The following ZNF609 variants were observed in gnomAD, a reference collection of about 807,000 sequenced individuals.
The protein encoded by ZNF609 is zinc finger protein 609.
ZNF609 carries 11 observed loss-of-function variants against 109.5 expected under a neutral mutation model. The observed-to-expected ratio is 0.10, with a 90% CI of 0.06 to 0.17. ZNF609 has a LOEUF of 0.17. Ranked by LOEUF, ZNF609 falls within the 10% of genes least tolerant of loss-of-function variation. ZNF609 has a pLI of 1.00. For missense variants in ZNF609, 1,559 were observed against 1,772.4 expected (o/e 0.88, Z 2.16); for synonymous variants, 646 against 662.0 (o/e 0.98, Z 0.37).
intron 2 of ZNF609, among the ~76,000 whole-genome samples, chr15:64,621,026 A>G (rs1895867495): frequency 6.6e-6 from 1 of 152,256 alleles, no homozygotes; most frequent in African/African-American, 2.4e-5. Context: ...GACTAGACTA[A>G]GAAGTCTATT....
At chr15:64,611,568 A>G (rs186386254) in intron 2 of ZNF609, among the ~76,000 whole-genome samples, 35 of 152,280 alleles carry the variant, frequency 2.3e-4, no homozygotes, top group Admixed American at 1.6e-3. Context: ...TCTTTAGCAG[A>G]AAAGGATTTA....
chr15:64,675,905 G>T lies in ZNF609; in HGVS notation c.3051G>T (p.Gln1017His), dbSNP rs370439641. 1.2e-6 allele frequency: 2 copies of T among 1,614,104 alleles called. No homozygotes were observed. Among genetic ancestry groups the T allele is most frequent in the African/African-American group, 2.7e-5 (2 of 74,930 alleles). The change falls in exon 5 of 10, where the codon CAG becomes CAT. Residue 1017 changes from glutamine to histidine, a missense_variant. Physicochemically the swap from Gln to His is conservative, Grantham distance 24. Transcript: ENST00000326648. Reference protein sequence around the residue: ...EQQKRQSLEQQQRGVDKKAEM... With the variant: ...EQQKRQSLEQHQRGVDKKAEM... ...AGAAACGCCAGAGCTTAGAGCAGCA[G>T]CAGCGGGGAGTGGACAAGAAGGCAG...
chr15:64,618,170 G>A (rs1222027617), intron 2 of ZNF609, among the ~76,000 whole-genome samples: 1 of 151,954 alleles, frequency 6.6e-6, no homozygotes, highest in Non-Finnish European at 1.5e-5. Flanking sequence ...CTGTTGCACA[G>A]GCTAGAGTAC....
intron 2 of ZNF609, among the ~76,000 whole-genome samples, chr15:64,548,354 C>G (rs1894403182): frequency 6.6e-6 from 1 of 152,170 alleles, no homozygotes; most frequent in Admixed American, 6.6e-5. Context: ...CGTGTACACT[C>G]TAACAAAATG....
At chr15:64,622,042 A>G (rs1359437772) in intron 2 of ZNF609, among the ~76,000 whole-genome samples, 8 of 152,010 alleles carry the variant, frequency 5.3e-5, no homozygotes, top group Non-Finnish European at 7.4e-5. Flanking sequence ...GACTATTTCT[A>G]TCTATGTGTA....
intron 2 of ZNF609, among the ~76,000 whole-genome samples, chr15:64,607,911 T>C: frequency 7.7e-6 from 1 of 129,500 alleles, no homozygotes; most frequent in Non-Finnish European, 1.6e-5. Flanking sequence ...TTTTTTTTTT[T>C]TTTTTGAGAC....
chr15:64,563,679 G>A (rs569062728), intron 2 of ZNF609, among the ~76,000 whole-genome samples: 3 of 151,988 alleles, frequency 2.0e-5, no homozygotes, highest in Non-Finnish European at 4.4e-5. Flanking sequence ...AGGAGGCTGA[G>A]GCAGGAGAAT....
At position 64,684,284 on chromosome 15, in the gene ZNF609, CACAA is replaced by C. The variant is rs760626625; in HGVS notation, c.*2604_*2607del. 1.3e-5 allele frequency: 2 copies of C among 152,550 alleles called. No homozygotes were observed. Among genetic ancestry groups the C allele is most frequent in the African/African-American group, 4.8e-5 (2 of 41,452 alleles). The allele number at this position is 152,550 out of a possible 1,614,324, so 9.4% of individuals were successfully genotyped here. On this transcript the variant is annotated 3_prime_UTR_variant, in exon 10 of 10. Transcript: ENST00000326648. Reference sequence around the variant, plus strand: ...CAGGGGTCCCCATCCTATCCCACCCCACAAACAAAGGCTGGAAAAATTTGCTACC... The same window carrying C: ...CAGGGGTCCCCATCCTATCCCACCCCACAAAGGCTGGAAAAATTTGCTACC...
intron 2 of ZNF609, among the ~76,000 whole-genome samples, chr15:64,526,743 T>G (rs2140368452): frequency 6.6e-6 from 1 of 152,186 alleles, no homozygotes; most frequent in South Asian, 2.1e-4. Context: ...GCTCAAGCAA[T>G]CCTCCTGCCT....
At chr15:64,680,035 G>A in intron 6 of ZNF609, 150 bp from the exon 7 acceptor site, 1 of 805,344 alleles carries the variant, frequency 1.2e-6, no homozygotes, top group Non-Finnish European at 2.0e-6. Context: ...GTAAAGAAAG[G>A]TCAAGCCAAC....
intron 2 of ZNF609, among the ~76,000 whole-genome samples, chr15:64,608,703 A>T (rs558110494): frequency 1.4e-5 from 2 of 147,796 alleles, no homozygotes; most frequent in African/African-American, 4.9e-5. Flanking sequence ...CAAAATTGTT[A>T]TATGTGTGTA....
chr15:64,496,844 C>T (rs1893489111), intron 1 of ZNF609, among the ~76,000 whole-genome samples: 1 of 151,392 alleles, frequency 6.6e-6, no homozygotes, highest in Non-Finnish European at 1.5e-5. Flanking sequence ...GACAGCGTCT[C>T]GCTCTGTCAC....
In ZNF609 at chr15:64,674,951, C is replaced by A. The variant is rs1405422314; in HGVS notation, c.2097C>A (p.Pro699=). 6 of 1,614,002 alleles carry A rather than the reference C, an allele frequency of 3.7e-6. No individual in the cohort carries two copies. Among genetic ancestry groups the A allele is most frequent in the African/African-American group, 1.3e-5 (1 of 74,916 alleles). ...ATVAQAMPNS[P]QLKPIQPKPT... ...TGGCACAAGCCATGCCCAACAGTCCCCAACTCAAGCCCATTCAGCCCAAGC... is the reference window on the plus strand; with the variant it reads ...TGGCACAAGCCATGCCCAACAGTCCACAACTCAAGCCCATTCAGCCCAAGC... The change falls in exon 5 of 10, where the codon CCC becomes CCA. Residue 699 remains proline, a synonymous_variant. Transcript: ENST00000326648.
chr15:64,468,538 C>T (rs1893046747), intron 1 of ZNF609, among the ~76,000 whole-genome samples: 2 of 152,008 alleles, frequency 1.3e-5, no homozygotes, highest in Non-Finnish European at 2.9e-5. Context: ...AGGCATGAGC[C>T]ACTGTGACCA....
At chr15:64,464,506 G>A (rs1258015248) in intron 1 of ZNF609, among the ~76,000 whole-genome samples, 1 of 152,206 alleles carries the variant, frequency 6.6e-6, no homozygotes, top group Admixed American at 6.5e-5. Flanking sequence ...AGCCTGAGAT[G>A]AGGCAGCCTT....
At chr15:64,666,572 C>G (rs1362531900) in intron 3 of ZNF609, among the ~76,000 whole-genome samples, 2 of 152,018 alleles carry the variant, frequency 1.3e-5, no homozygotes, top group African/African-American at 4.8e-5. Flanking sequence ...AGCACAATCT[C>G]AGCTCACTGC....
intron 2 of ZNF609, among the ~76,000 whole-genome samples, chr15:64,513,093 CCTAT>C (rs1037155557): frequency 6.6e-6 from 1 of 152,084 alleles, no homozygotes; most frequent in Non-Finnish European, 1.5e-5. Context: ...ACATGCATTA[CCTAT>C]CTATCTTCTC....
chr15:64,529,404 T>A (rs1385653321), intron 2 of ZNF609: 2 of 757,712 alleles, frequency 2.6e-6, no homozygotes, highest in African/African-American at 3.4e-5. Context: ...AGCGCCAGCA[T>A]CACCCCATTT....
chr15:64,634,035 G>A (rs1178553393), intron 3 of ZNF609, among the ~76,000 whole-genome samples: 2 of 151,972 alleles, frequency 1.3e-5, no homozygotes, highest in Non-Finnish European at 2.9e-5. Context: ...ACAGCACAGG[G>A]GCTAGATCTT....
Sources: allele counts gnomAD v4.1 joint callset (sites outside exome capture counted in the v4.1 genomes callset), GRCh38; gene constraint gnomAD v4.1.1; transcripts MANE v1.5; gene names NCBI Gene and HGNC (gene_info 2026-07-23, HGNC 2026-07-21).